Variants in PCBD1 observed in about 807,000 individuals in gnomAD.
PCBD1 encodes pterin-4-alpha-carbinolamine dehydratase.
Under a neutral mutation model 12.6 loss-of-function variants are expected in PCBD1, and 16 were observed. That is an observed-to-expected ratio of 1.27 (90% CI 0.86 to 1.93). The LOEUF (loss-of-function observed/expected upper bound fraction) is 1.93, where lower values mean the gene tolerates loss of function less well. PCBD1 is among the 30% of genes most tolerant of loss of function. The pLI, the probability that PCBD1 is intolerant of heterozygous loss-of-function variation, is 0.00. For missense variants in PCBD1, 86 were observed against 130.1 expected, an observed-to-expected ratio of 0.66 and a Z score of 1.65; for synonymous variants, 53 against 50.2, an observed-to-expected ratio of 1.05 and a Z score of -0.23.
In PCBD1 at chr10:70,885,245, A is replaced by C; in HGVS notation, c.136-13T>G. ...TGAACCCAAAGGCCTATTTAAGTGG[A>C]GTGAGAGCCAGGTTAGTGTTCTAAG... On this transcript the variant is annotated splice_polypyrimidine_tract_variant and intron_variant, in intron 2 of 3. Transcript: ENST00000299299. 6.2e-7 allele frequency: 1 copy of C among 1,607,040 alleles called. No homozygotes were observed. Among genetic ancestry groups the C allele is most frequent in the Non-Finnish European group, 8.5e-7 (1 of 1,173,572 alleles).
chr10:70,886,676 G>T (rs1334325247), intron 1 of PCBD1, among the ~76,000 whole-genome samples: 1 of 152,248 alleles, frequency 6.6e-6, no homozygotes, highest in African/African-American at 2.4e-5. Flanking sequence ...AGCCGCCAGG[G>T]CTAGGTTTCT....
Position 70,883,829 on chromosome 10 carries a change from ACGG to A in PCBD1, c.*118_*120del. The A allele has an allele frequency of 4.6e-6, 7 of 1,536,794 alleles. No individual in the cohort carries two copies. The highest frequency in any genetic ancestry group is 2.0e-5 in the Admixed American group (1 of 50,906). On this transcript the variant is annotated 3_prime_UTR_variant, in exon 4 of 4. Transcript: ENST00000299299. The stretch of plus-strand genomic sequence containing the variant: ...TCCCACAGCAAGGACTCAGCCCTCA[ACGG>A]CGGCGGCTGGGTCTTGGGAGGGGAG...
downstream of PCBD1, chr10:70,882,509 T>TTAAG (rs1266281810): frequency 6.6e-6 from 1 of 152,182 alleles, no homozygotes; most frequent in Non-Finnish European, 1.5e-5. Flanking sequence ...ATGTTTCAGT[T>TTAAG]TAAGTCCGAA....
chr10:70,885,064 T>C (rs924537979), intron 3 of PCBD1, 88 bp downstream of exon 3: 9 of 1,062,310 alleles, frequency 8.5e-6, no homozygotes, highest in African/African-American at 1.6e-5. Context: ...GAAGGCTCAT[T>C]GTTAAGTCCA....
At chr10:70,888,418 G>A (rs1436784510) in intron 1 of PCBD1, 113 bp downstream of exon 1, 3 of 1,243,188 alleles carry the variant, frequency 2.4e-6, no homozygotes, top group Non-Finnish European at 3.2e-6. Context: ...TCGGACCCCG[G>A]CGGCTCCGCA....
intron 1 of PCBD1, among the ~76,000 whole-genome samples, chr10:70,886,912 A>C (rs1846593216): frequency 6.6e-6 from 1 of 152,196 alleles, no homozygotes; most frequent in East Asian, 1.9e-4. Context: ...CTAGGAGCTT[A>C]ACAGATCCCA....
At chr10:70,882,961 G>A (rs1186319916), downstream of PCBD1, among the ~76,000 whole-genome samples, 2 of 131,370 alleles carry the variant, frequency 1.5e-5, no homozygotes, top group Non-Finnish European at 3.4e-5. Context: ...ATTTCCTTTG[G>A]GCATCATGTT....
In PCBD1 at chr10:70,885,786, C is replaced by G; in HGVS notation, c.135+12G>C. 5.0e-6 allele frequency: 8 copies of G among 1,613,976 alleles called. No homozygotes were observed. The highest frequency in any genetic ancestry group is 6.8e-6 in the Non-Finnish European group (8 of 1,179,948). On this transcript the variant is annotated intron_variant, in intron 2 of 3. Coordinates refer to ENST00000299299, the MANE Select transcript of PCBD1 (RefSeq NM_000281.4). ...CCGTCTCAGAAAACTCTGTCCCACC[C>G]TGGTGCCATACCCTGTTGAAGTCTT...
chr10:70,883,871 A>G lies in PCBD1; in HGVS notation c.*79T>C. ...TTGGGAGGGGAGTGGTGGGAGGGTAAGGGCTCCTCAGCTCCCTCCCTGGAC... is the reference window on the plus strand; with the variant it reads ...TTGGGAGGGGAGTGGTGGGAGGGTAGGGGCTCCTCAGCTCCCTCCCTGGAC... On this transcript the variant is annotated 3_prime_UTR_variant, in exon 4 of 4. Coordinates refer to ENST00000299299, the MANE Select transcript of PCBD1 (RefSeq NM_000281.4). The G allele has an allele frequency of 6.4e-7, 1 of 1,556,936 alleles. No individual in the cohort carries two copies. The highest frequency in any genetic ancestry group is 1.9e-5 in the Admixed American group (1 of 51,802).
At chr10:70,884,292 C>A (rs74141261) in intron 3 of PCBD1, among the ~76,000 whole-genome samples, 1 of 152,246 alleles carries the variant, frequency 6.6e-6, no homozygotes, top group African/African-American at 2.4e-5. Context: ...TCAAGAGCAA[C>A]CTAAAAGCTA....
Position 70,883,549 on chromosome 10 carries a change from A to G in PCBD1, c.*401T>C, listed in dbSNP as rs1021339189. 1.8e-6 allele frequency: 2 copies of G among 1,111,902 alleles called. No homozygotes were observed. Among genetic ancestry groups the G allele is most frequent in the Admixed American group, 8.9e-5 (2 of 22,428 alleles). 68.9% of individuals were successfully genotyped at this position (1,111,902 alleles called of 1,614,324 possible). The stretch of plus-strand genomic sequence containing the variant: ...AGTTTTATTTGAGACATAAAAACAC[A>G]TGTGTTTCTATTACATAGTGTGGGG... On this transcript the variant is annotated 3_prime_UTR_variant, in exon 4 of 4. Coordinates refer to ENST00000299299, the MANE Select transcript of PCBD1 (RefSeq NM_000281.4).
rs9712 is a variant in PCBD1 at position 70,883,914 on chromosome 10, C to T, written c.*36G>A. On this transcript the variant is annotated 3_prime_UTR_variant, in exon 4 of 4. Transcript: ENST00000299299. ...CCCTGGACTCCCAGTTCAGTCACCC[C>T]TTCCCCCGGAAGAATTCAAAGAGGA... 1,202,266 of 1,598,278 alleles carry T rather than the reference C, an allele frequency of 0.75. 453,425 individuals are homozygous for T. The highest frequency in any genetic ancestry group is 0.85 in the South Asian group (75,222 of 88,228).
At chr10:70,888,080 C>G (rs1846615923) in intron 1 of PCBD1, 1 of 155,326 alleles carries the variant, frequency 6.4e-6, no homozygotes, top group Non-Finnish European at 1.4e-5. Context: ...CCAGGCAGAC[C>G]CCGTACCCAG....
At chr10:70,882,341 A>C (rs1846510346), downstream of PCBD1, 3 of 152,230 alleles carry the variant, frequency 2.0e-5, no homozygotes, top group Non-Finnish European at 4.4e-5. Context: ...GAGAAACAGA[A>C]CCAATACACA....
downstream of PCBD1, among the ~76,000 whole-genome samples, chr10:70,882,843 T>A (rs1846520300): frequency 6.6e-6 from 1 of 152,206 alleles, no homozygotes; most frequent in Admixed American, 6.5e-5. Flanking sequence ...ATCTGAAAGG[T>A]GTGAGACCAG....
rs1243443454 is a variant in PCBD1, at chr10:70,885,721, T to TC, written c.135+76_135+77insG. 3 of 1,574,744 alleles carry TC rather than the reference T, an allele frequency of 1.9e-6. No homozygotes were observed. In the African/African-American group the frequency reaches 4.0e-5, roughly 21 times the overall value. ...TCTGAGAGTCTTGGCTAACAAGACG[T>TC]GAAGGGAGAGAACATGCTTTGTAAG... On this transcript the variant is annotated intron_variant, in intron 2 of 3. Coordinates refer to ENST00000299299, the MANE Select transcript of PCBD1 (RefSeq NM_000281.4).
rs1297161058 is a variant in PCBD1, at chr10:70,885,194, C to T, written c.174G>A (p.Glu58=). 6.2e-7 allele frequency: 1 copy of T among 1,614,122 alleles called. No individual in the cohort carries two copies. Among genetic ancestry groups the T allele is most frequent in the Non-Finnish European group, 8.5e-7 (1 of 1,180,002 alleles). The stretch of plus-strand genomic sequence containing the variant: ...ACCATTCAGGATGGTGGTCCAGTTT[C>T]TCAGCCTGCAGGGCCACTCTTGTCA... The part of the protein sequence containing the change: ...GFMTRVALQA[E]KLDHHPEWFN... The change falls in exon 3 of 4, where the codon GAG becomes GAA. Residue 58 remains glutamate (E), a synonymous_variant. Coordinates refer to ENST00000299299, the MANE Select transcript of PCBD1 (RefSeq NM_000281.4).
Position 70,888,490 on chromosome 10 carries a change from G to T in PCBD1, c.3+41C>A, listed in dbSNP as rs1012368969. ...TCCCACCTCGCCCGCGGCTGCCCCG[G>T]CCCCGCTGCCCCGATCGCGGCCGCG... On this transcript the variant is annotated intron_variant, in intron 1 of 3. Coordinates refer to ENST00000299299, the MANE Select transcript of PCBD1 (RefSeq NM_000281.4). 6.2e-6 allele frequency: 9 copies of T among 1,447,324 alleles called. No individual in the cohort carries two copies. The Admixed American group carries it at 2.3e-4, about 37-fold the overall frequency. The allele number at this position is 1,447,324 out of a possible 1,614,324, so 89.7% of individuals were successfully genotyped here.
At chr10:70,882,436 C>T (rs966883059), downstream of PCBD1, 11 of 152,344 alleles carry the variant, frequency 7.2e-5, no homozygotes, top group African/African-American at 2.4e-4. Flanking sequence ...GCTGGAGAAC[C>T]AGGAAAGCAG....
Sources: gnomAD v4.1 joint callset for allele counts (sites outside exome capture counted in the v4.1 genomes callset) on GRCh38, gnomAD v4.1.1 for gene constraint, MANE v1.5 for transcripts, NCBI Gene and HGNC (gene_info 2026-07-23, HGNC 2026-07-21) for gene names.